The following FSTL5 variants were observed in gnomAD, a reference collection of about 807,000 sequenced individuals.
FSTL5 encodes follistatin-related protein 5.
In FSTL5, 62 loss-of-function variants were observed where a neutral mutation model predicts 89.1. The observed-to-expected ratio is 0.70, with a 90% CI of 0.57 to 0.86. The LOEUF is 0.86. Ranked by LOEUF, FSTL5 falls within the 40% of genes least tolerant of loss-of-function variation. FSTL5 has a pLI of 0.00. For missense variants in FSTL5, 1,057 were observed against 1,001.6 expected, an observed-to-expected ratio of 1.06 and a Z score of -0.75; for synonymous variants, 383 against 346.2, an observed-to-expected ratio of 1.11 and a Z score of -1.18.
intron 2 of FSTL5, among the ~76,000 whole-genome samples, chr4:162,039,042 T>C (rs1039427022): frequency 2.0e-5 from 3 of 151,902 alleles, no homozygotes; most frequent in Admixed American, 1.3e-4. Flanking sequence ...ACTAGTCATG[T>C]GCTCTCTGAT....
At chr4:161,407,410 C>T (rs116499277) in intron 15 of FSTL5, among the ~76,000 whole-genome samples, 2,275 of 152,248 alleles carry the variant, frequency 0.015, 50 homozygotes, top group African/African-American at 0.051. Context: ...GATGCAGTCG[C>T]CGATCCTGAA....
intron 7 of FSTL5, among the ~76,000 whole-genome samples, chr4:161,603,381 G>C (rs1030725373): frequency 6.6e-6 from 1 of 152,162 alleles, no homozygotes; most frequent in African/African-American, 2.4e-5. Flanking sequence ...AGGATTAGTA[G>C]TGGCTTTATA....
chr4:162,056,810 C>T (rs1022915535), intron 2 of FSTL5, among the ~76,000 whole-genome samples: 5 of 152,056 alleles, frequency 3.3e-5, no homozygotes, highest in African/African-American at 1.2e-4. Context: ...CTATTGGATT[C>T]ACAAAGCTTT....
At chr4:161,895,168 T>C (rs1351482362) in intron 4 of FSTL5, among the ~76,000 whole-genome samples, 1 of 152,186 alleles carries the variant, frequency 6.6e-6, no homozygotes, top group Non-Finnish European at 1.5e-5. Flanking sequence ...AATAACCAGA[T>C]TTAAACTTAC....
At chr4:161,868,147 AT>A (rs1195983931) in intron 4 of FSTL5, among the ~76,000 whole-genome samples, 1 of 152,156 alleles carries the variant, frequency 6.6e-6, no homozygotes, top group East Asian at 1.9e-4. Flanking sequence ...CTAAAACAGG[AT>A]TTTTTTAAAA....
intron 2 of FSTL5, 140 bp from the exon 3 acceptor site, chr4:162,033,798 T>C: frequency 1.9e-6 from 1 of 534,382 alleles, no homozygotes; most frequent in Non-Finnish European, 3.3e-6. Flanking sequence ...TAAAAAATAT[T>C]TACATATAAT....
At chr4:161,694,996 T>C (rs898472108) in intron 6 of FSTL5, among the ~76,000 whole-genome samples, 1 of 152,014 alleles carries the variant, frequency 6.6e-6, no homozygotes, top group African/African-American at 2.4e-5. Flanking sequence ...AAAAAATGTG[T>C]TTTCTCCCTT....
chr4:161,819,148 C>T (rs1239699452), intron 4 of FSTL5, among the ~76,000 whole-genome samples: 1 of 151,952 alleles, frequency 6.6e-6, no homozygotes, highest in Non-Finnish European at 1.5e-5. Flanking sequence ...TACTTTTCTA[C>T]TATTTTAATA....
intron 11 of FSTL5, among the ~76,000 whole-genome samples, chr4:161,501,022 C>T (rs1442527211): frequency 6.6e-6 from 1 of 152,048 alleles, no homozygotes; most frequent in Admixed American, 6.6e-5. Flanking sequence ...CTATATAGCT[C>T]TTTTGACCTG....
At chr4:161,519,429 G>A (rs1730947545) in intron 10 of FSTL5, among the ~76,000 whole-genome samples, 1 of 152,116 alleles carries the variant, frequency 6.6e-6, no homozygotes, top group African/African-American at 2.4e-5. Context: ...GGGGGGCTGA[G>A]GCAGGAGAAT....
intron 4 of FSTL5, among the ~76,000 whole-genome samples, chr4:161,879,230 T>C (rs1165463230): frequency 2.6e-5 from 4 of 152,144 alleles, no homozygotes; most frequent in Non-Finnish European, 5.9e-5. Context: ...ATATCCATAA[T>C]CCAAGAATTT....
At chr4:162,120,234 G>A (rs1731798112) in intron 1 of FSTL5, among the ~76,000 whole-genome samples, 1 of 152,044 alleles carries the variant, frequency 6.6e-6, no homozygotes. Flanking sequence ...CTTGCATTAG[G>A]AGAAAGTATT....
intron 4 of FSTL5, among the ~76,000 whole-genome samples, chr4:161,821,212 AT>A (rs1189183977): frequency 6.6e-6 from 1 of 151,758 alleles, no homozygotes; most frequent in Non-Finnish European, 1.5e-5. Flanking sequence ...TAATTTTTGT[AT>A]TTTTTGTAGA....
intron 10 of FSTL5, among the ~76,000 whole-genome samples, chr4:161,531,129 T>C (rs1003912441): frequency 6.6e-6 from 1 of 152,180 alleles, no homozygotes; most frequent in African/African-American, 2.4e-5. Context: ...AGTATATTAT[T>C]TTGAAGCACA....
chr4:162,000,497 C>T (rs1394793571), intron 3 of FSTL5, among the ~76,000 whole-genome samples: 1 of 151,462 alleles, frequency 6.6e-6, no homozygotes, highest in African/African-American at 2.4e-5. Flanking sequence ...ACTTGGGAGG[C>T]TGAGGCAGGG....
intron 1 of FSTL5, among the ~76,000 whole-genome samples, chr4:162,122,127 G>C (rs72984763): frequency 6.6e-6 from 1 of 151,486 alleles, no homozygotes; most frequent in African/African-American, 2.4e-5. Context: ...TACTGTGCAC[G>C]GGGTTGGCAC....
chr4:161,695,451 G>A lies in FSTL5; in HGVS notation c.728-38957C>T, dbSNP rs1053238940. ...TGTGTGTGTGTGTGTGTGTGTGTGT[G>A]TGTATATATATCACATATAGACATA... On this transcript the variant is annotated intron_variant, in intron 6 of 15. Transcript: ENST00000306100. Among the ~76,000 whole-genome samples, 3 of 126,918 alleles carry A rather than the reference G, an allele frequency of 2.4e-5. No homozygotes were observed. In the Admixed American group the frequency reaches 2.5e-4, roughly 11 times the overall value. 83.3% of individuals were successfully genotyped at this position (126,918 alleles called of 152,430 possible).
At chr4:161,401,187 G>A (rs1731167327) in intron 15 of FSTL5, among the ~76,000 whole-genome samples, 1 of 152,150 alleles carries the variant, frequency 6.6e-6, no homozygotes, top group South Asian at 2.1e-4. Flanking sequence ...TGAAGTAGTT[G>A]AATTTTATAG....
In FSTL5 at chr4:161,656,482, A is replaced by G; in HGVS notation, c.740T>C (p.Leu247Ser). 6.3e-7 allele frequency: 1 copy of G among 1,588,710 alleles called. No homozygotes were observed. The highest frequency in any genetic ancestry group is 1.2e-5 in the South Asian group (1 of 86,410). The change falls in exon 7 of 16, where the codon TTG (leucine) becomes TCG (serine). Residue 247 changes from leucine to serine, a missense_variant. Physicochemically the swap from Leu to Ser is moderately radical, Grantham distance 145. This residue lies in a region of FSTL5 where 980 missense variants were observed against 903.2 expected (regional missense o/e 1.08). Transcript: ENST00000306100. ...EFYRAFQVIQLSLPEDQKLSI... is the reference protein window; with the variant it reads ...EFYRAFQVIQSSLPEDQKLSI... ...TAGTTTCTGATCTTCTGGCAGACTC[A>G]ACTGGATCACTTCTGTAAAGATGAA...
Sources: allele counts gnomAD v4.1 joint callset (sites outside exome capture counted in the v4.1 genomes callset), GRCh38; gene constraint gnomAD v4.1.1; regional missense constraint gnomAD v4.1.1; transcripts MANE v1.5; gene names NCBI Gene and HGNC (gene_info 2026-07-23, HGNC 2026-07-21).